Variants in HHAT observed in about 807,000 individuals in gnomAD.
HHAT encodes protein-cysteine N-palmitoyltransferase HHAT.
Under a neutral mutation model 70.8 loss-of-function variants are expected in HHAT, and 47 were observed. The ratio of observed to expected loss-of-function variants is 0.66; its 90% CI spans 0.53 to 0.85. HHAT has a LOEUF of 0.85. Among genes scored for constraint, HHAT ranks in the 40% least tolerant of loss-of-function variants. The probability of loss-of-function intolerance (pLI) is 0.00; values close to 1 mark genes in which losing one functional copy is unlikely to be tolerated. For synonymous variants in HHAT, 228 were observed against 247.6 expected (o/e 0.92, Z 0.74); for missense variants, 609 against 604.8 (o/e 1.01, Z -0.07).
intron 3 of HHAT, among the ~76,000 whole-genome samples, chr1:210,385,088 G>A (rs1442545809): frequency 6.6e-6 from 1 of 152,168 alleles, no homozygotes; most frequent in East Asian, 1.9e-4. Flanking sequence ...GGACTTTCTG[G>A]TGGAACAGAA....
intron 10 of HHAT, among the ~76,000 whole-genome samples, chr1:210,615,352 A>C (rs1325990920): frequency 6.6e-6 from 1 of 151,926 alleles, no homozygotes; most frequent in Non-Finnish European, 1.5e-5. Flanking sequence ...ATCTTTTTTC[A>C]ATGTTTTTAA....
At chr1:210,420,747 T>C (rs2092878190) in intron 7 of HHAT, among the ~76,000 whole-genome samples, 1 of 152,078 alleles carries the variant, frequency 6.6e-6, no homozygotes, top group Admixed American at 6.6e-5. Flanking sequence ...TCTGTGTGTG[T>C]GTAAACTCTC....
At chr1:210,606,437 A>G (rs75837991) in intron 10 of HHAT, among the ~76,000 whole-genome samples, 2,316 of 152,146 alleles carry the variant, frequency 0.015, 72 homozygotes, top group African/African-American at 0.053. Flanking sequence ...AGATTCTCCA[A>G]TAGAACTAGA....
At chr1:210,347,724 C>G (rs2086646077) in intron 1 of HHAT, among the ~76,000 whole-genome samples, 1 of 152,136 alleles carries the variant, frequency 6.6e-6, no homozygotes, top group Non-Finnish European at 1.5e-5. Context: ...CAGTCTAGAT[C>G]TAAGTAGTCT....
At chr1:210,627,484 C>A (rs181669053) in intron 11 of HHAT, among the ~76,000 whole-genome samples, 1 of 152,206 alleles carries the variant, frequency 6.6e-6, no homozygotes, top group East Asian at 1.9e-4. Context: ...CTGTCCTGGT[C>A]TCTGTGGGTC....
chr1:210,418,402 G>A (rs1207729498), intron 7 of HHAT, 77 bp downstream of exon 7: 6 of 1,329,640 alleles, frequency 4.5e-6, no homozygotes, highest in Non-Finnish European at 6.2e-6. Context: ...CTGGAGTGGG[G>A]GGTGAGCAGG....
intron 6 of HHAT, among the ~76,000 whole-genome samples, chr1:210,412,288 G>T (rs1231607489): frequency 6.6e-6 from 1 of 152,082 alleles, no homozygotes. Flanking sequence ...AAAATTAATG[G>T]CCTCCTTACA....
chr1:210,390,632 T>G (rs966817816), intron 4 of HHAT, among the ~76,000 whole-genome samples: 3 of 152,154 alleles, frequency 2.0e-5, no homozygotes, highest in Admixed American at 6.5e-5. Context: ...AGCCAATATG[T>G]AGTCTTTTAT....
chr1:210,466,901 A>G (rs1245759546), intron 8 of HHAT, among the ~76,000 whole-genome samples: 1 of 152,220 alleles, frequency 6.6e-6, no homozygotes, highest in African/African-American at 2.4e-5. Flanking sequence ...GGCTGCTGAA[A>G]CAGTCTCTCC....
intron 7 of HHAT, among the ~76,000 whole-genome samples, chr1:210,427,988 A>G (rs1572368498): frequency 6.6e-6 from 1 of 152,036 alleles, no homozygotes; most frequent in Non-Finnish European, 1.5e-5. Flanking sequence ...TGTTGGGTGC[A>G]TATATATTTA....
At chr1:210,386,474 G>A (rs961363267) in intron 3 of HHAT, among the ~76,000 whole-genome samples, 10 of 151,412 alleles carry the variant, frequency 6.6e-5, no homozygotes, top group African/African-American at 1.2e-4. Context: ...TCCTGACCTC[G>A]TGATCCGCCC....
At chr1:210,404,753 C>T (rs2092257057) in intron 6 of HHAT, 74 bp downstream of exon 6, 4 of 1,247,868 alleles carry the variant, frequency 3.2e-6, no homozygotes, top group Admixed American at 4.0e-5. Flanking sequence ...TCTTCTCTGA[C>T]TCTTGAGTCG....
chr1:210,354,937 T>G (rs1476111052), intron 2 of HHAT, among the ~76,000 whole-genome samples: 1 of 152,206 alleles, frequency 6.6e-6, no homozygotes, highest in Non-Finnish European at 1.5e-5. Context: ...ATTGATATTT[T>G]TATAATGTGT....
chr1:210,454,552 T>C (rs1245978142), intron 7 of HHAT, among the ~76,000 whole-genome samples: 2 of 152,026 alleles, frequency 1.3e-5, no homozygotes, highest in Non-Finnish European at 2.9e-5. Context: ...AGACTTTGTC[T>C]CAAAAAAAAG....
chr1:210,587,070 T>C (rs12117119), intron 9 of HHAT, among the ~76,000 whole-genome samples: 13,094 of 152,260 alleles, frequency 0.086, 643 homozygotes, highest in Middle Eastern at 0.15. Context: ...CTCCTGCCTG[T>C]TTAGGAACGT....
At chr1:210,451,919 G>A (rs2148399714) in intron 7 of HHAT, among the ~76,000 whole-genome samples, 1 of 152,128 alleles carries the variant, frequency 6.6e-6, no homozygotes, top group South Asian at 2.1e-4. Flanking sequence ...AACTTGACTG[G>A]GCATAATTTT....
At chr1:210,453,324 A>G (rs1336927708) in intron 7 of HHAT, among the ~76,000 whole-genome samples, 1 of 152,228 alleles carries the variant, frequency 6.6e-6, no homozygotes, top group Non-Finnish European at 1.5e-5. Context: ...AATGCAGTGT[A>G]AACCTAAAGC....
chr1:210,370,818 A>G (rs1001223713), intron 3 of HHAT, among the ~76,000 whole-genome samples: 2 of 151,762 alleles, frequency 1.3e-5, no homozygotes, highest in Non-Finnish European at 2.9e-5. Flanking sequence ...GTTTCACCGC[A>G]TTAGTTAGGA....
At chr1:210,545,179 C>G (rs1210330875) in intron 9 of HHAT, among the ~76,000 whole-genome samples, 3 of 152,134 alleles carry the variant, frequency 2.0e-5, no homozygotes, top group African/African-American at 7.2e-5. Flanking sequence ...AATTCTTAAA[C>G]TGAACTATAA....
Sources: allele counts gnomAD v4.1 joint callset (sites outside exome capture counted in the v4.1 genomes callset), GRCh38; gene constraint gnomAD v4.1.1; transcripts MANE v1.5; gene names NCBI Gene and HGNC (gene_info 2026-07-23, HGNC 2026-07-21).